Variants in MAP2K5 observed in about 807,000 individuals in gnomAD.
The protein encoded by MAP2K5 is dual specificity mitogen-activated protein kinase kinase 5.
MAP2K5 carries 49 observed loss-of-function variants against 83.1 expected under a neutral mutation model. The ratio of observed to expected loss-of-function variants is 0.59; its 90% CI spans 0.47 to 0.75. The LOEUF (loss-of-function observed/expected upper bound fraction) is 0.75, where lower values mean the gene tolerates loss of function less well. Among genes scored for constraint, MAP2K5 ranks in the 30% least tolerant of loss-of-function variants. MAP2K5 has a pLI of 0.00. For synonymous variants in MAP2K5, 202 were observed against 191.8 expected, an observed-to-expected ratio of 1.05 and a Z score of -0.44; for missense variants, 457 against 557.5, an observed-to-expected ratio of 0.82 and a Z score of 1.82.
chr15:67,585,960 G>T lies in MAP2K5; in HGVS notation c.363+30G>T, dbSNP rs764081599. The stretch of plus-strand genomic sequence containing the variant: ...GAATTTCAATAATTGTTTCAGTAAA[G>T]TTAGATGGATTTGTAATGCTGTGTT... On this transcript the variant is annotated intron_variant, in intron 5 of 21. Transcript: ENST00000178640. 3 of 1,592,806 alleles carry T rather than the reference G, an allele frequency of 1.9e-6. No individual in the cohort carries two copies. In the African/African-American group the frequency reaches 4.0e-5, roughly 21 times the overall value.
rs2090263372 is a variant in MAP2K5, at chr15:67,777,670, C to T, written c.1242+4918C>T. On this transcript the variant is annotated intron_variant, in intron 21 of 21. Coordinates refer to ENST00000178640, the MANE Select transcript of MAP2K5 (RefSeq NM_145160.3). This position sits in a 1 kb window ranked among gnomAD's most constrained non-coding sequence, Gnocchi z 6.0. Reference sequence around the variant, plus strand: ...ATCTGTTCTAGCTGTTCAGTGGCAGCGAGAATTTCAGAGAAACAAGCTGGC... The same window carrying T: ...ATCTGTTCTAGCTGTTCAGTGGCAGTGAGAATTTCAGAGAAACAAGCTGGC... 6.6e-6 allele frequency among the ~76,000 whole-genome samples: 1 copy of T among 152,168 alleles called. No individual in the cohort carries two copies. Among genetic ancestry groups the T allele is most frequent in the South Asian group, 2.1e-4 (1 of 4,830 alleles).
At chr15:67,683,636 C>T (rs1366733955) in intron 13 of MAP2K5, among the ~76,000 whole-genome samples, 1 of 151,986 alleles carries the variant, frequency 6.6e-6, no homozygotes, top group Non-Finnish European at 1.5e-5. Context: ...TTGGTGGGCG[C>T]CTGTAATCCT....
In MAP2K5 at chr15:67,646,401, A is replaced by G. The variant is rs141385762; in HGVS notation, c.668A>G (p.Tyr223Cys). 74 of 1,594,010 alleles carry G rather than the reference A, an allele frequency of 4.6e-5. No homozygotes were observed. The highest frequency in any genetic ancestry group is 5.9e-5 in the Non-Finnish European group (69 of 1,163,588). Reference sequence around the variant, plus strand: ...TTTTTGTTACAGTGCGATTCATCATATATCATTGGATTTTATGGAGCATTT... The same window carrying G: ...TTTTTGTTACAGTGCGATTCATCATGTATCATTGGATTTTATGGAGCATTT... ...LEILYKCDSS[Y>C]IIGFYGAFFV... The change falls in exon 11 of 22, where the codon TAT becomes TGT. Residue 223 changes from tyrosine (Y) to cysteine (C), a missense_variant. By Grantham distance (194) the Tyr-to-Cys change is radical. This residue lies in a region of MAP2K5 where 168 missense variants were observed against 263.0 expected (regional missense o/e 0.64). Coordinates refer to ENST00000178640, the MANE Select transcript of MAP2K5 (RefSeq NM_145160.3).
At chr15:67,711,354 CA>C (rs778377161) in intron 16 of MAP2K5, among the ~76,000 whole-genome samples, 8 of 152,074 alleles carry the variant, frequency 5.3e-5, no homozygotes, top group Admixed American at 2.6e-4. Context: ...TTCAGTTTAC[CA>C]AGGTATCAGA....
chr15:67,564,670 G>A (rs1345107554), intron 3 of MAP2K5, among the ~76,000 whole-genome samples: 1 of 152,150 alleles, frequency 6.6e-6, no homozygotes. Flanking sequence ...GGGCTCATCA[G>A]TACCTTGAAA....
chr15:67,785,377 G>T lies in MAP2K5; in HGVS notation c.1242+12625G>T, dbSNP rs1463100510. Among the ~76,000 whole-genome samples the T allele has an allele frequency of 6.6e-6, 1 of 152,124 alleles. No homozygotes were observed. Among genetic ancestry groups the T allele is most frequent in the Admixed American group, 6.5e-5 (1 of 15,272 alleles). On this transcript the variant is annotated intron_variant, in intron 21 of 21. Transcript: ENST00000178640. The surrounding 1 kb of genome is among the most constrained non-coding windows in gnomAD (Gnocchi z 4.4). ...GTTGTGAGCGAAGAAAGCTGTTTGC[G>T]GTTCACATTGCAGCATGGCTACTTG... is the stretch of plus-strand genomic sequence containing the variant.
At chr15:67,579,598 C>T (rs1458311111) in intron 3 of MAP2K5, among the ~76,000 whole-genome samples, 1 of 152,086 alleles carries the variant, frequency 6.6e-6, no homozygotes, top group East Asian at 1.9e-4. Flanking sequence ...CCAACATCCA[C>T]CTTCACTTTA....
In MAP2K5 at chr15:67,720,815, T is replaced by C. The variant is rs75819977; in HGVS notation, c.1045-7101T>C. The stretch of plus-strand genomic sequence containing the variant: ...ACAGCTAAACTTTGCTGGAGTAATA[T>C]TCCAGGATGATTTATCCTCCTGCTG... On this transcript the variant is annotated intron_variant, in intron 16 of 21. Transcript: ENST00000178640. The surrounding 1 kb of genome is among the most constrained non-coding windows in gnomAD (Gnocchi z 5.7). Among the ~76,000 whole-genome samples the C allele has an allele frequency of 2.5e-4, 38 of 152,326 alleles. No homozygotes were observed. In the East Asian group the frequency reaches 6.5e-3, roughly 26 times the overall value.
chr15:67,766,501 G>A (rs2090044226), intron 19 of MAP2K5, among the ~76,000 whole-genome samples: 2 of 152,122 alleles, frequency 1.3e-5, no homozygotes, highest in South Asian at 4.1e-4. Context: ...TTCATAGAGG[G>A]CATTTTTGGG....
intron 21 of MAP2K5, among the ~76,000 whole-genome samples, chr15:67,798,664 G>A (rs527966705): frequency 1.2e-3 from 184 of 152,302 alleles, no homozygotes; most frequent in African/African-American, 4.3e-3. Flanking sequence ...AGGTGCCTGC[G>A]TACTGTCTAG....
At chr15:67,546,963 G>A (rs952028139) in intron 1 of MAP2K5, among the ~76,000 whole-genome samples, 1 of 152,102 alleles carries the variant, frequency 6.6e-6, no homozygotes, top group Non-Finnish European at 1.5e-5. Context: ...CTATTAGGGA[G>A]GCTGAGGTGG....
rs773641336 is a variant in MAP2K5 at position 67,552,974 on chromosome 15, T to G, written c.184+2892T>G. On this transcript the variant is annotated intron_variant, in intron 2 of 21. Coordinates refer to ENST00000178640, the MANE Select transcript of MAP2K5 (RefSeq NM_145160.3). The surrounding 1 kb of genome is among the most constrained non-coding windows in gnomAD (Gnocchi z 4.2). ...AAGAAGTTTACTTTGTACTTTTTAC[T>G]TGCTTTTCGGATCCCCAAAGTGGCT... Among the ~76,000 whole-genome samples, 4 of 152,196 alleles carry G rather than the reference T, an allele frequency of 2.6e-5. No individual in the cohort carries two copies. The highest frequency in any genetic ancestry group is 9.7e-5 in the African/African-American group (4 of 41,436).
chr15:67,700,490 A>G (rs1245051304), intron 15 of MAP2K5, among the ~76,000 whole-genome samples: 1 of 152,118 alleles, frequency 6.6e-6, no homozygotes, highest in East Asian at 1.9e-4. Context: ...TATCCATCAT[A>G]GATATTCTGT....
chr15:67,745,720 T>C (rs2089591593), intron 17 of MAP2K5, among the ~76,000 whole-genome samples: 1 of 152,250 alleles, frequency 6.6e-6, no homozygotes, highest in African/African-American at 2.4e-5. Flanking sequence ...CTCTATGGTC[T>C]ATGTGGCATT....
chr15:67,761,316 C>T (rs186318913), intron 19 of MAP2K5, among the ~76,000 whole-genome samples: 2 of 152,282 alleles, frequency 1.3e-5, no homozygotes, highest in East Asian at 3.9e-4. Context: ...TGTAGTGTCT[C>T]CTTAAACCAG....
intron 13 of MAP2K5, among the ~76,000 whole-genome samples, chr15:67,673,779 C>T (rs1328090521): frequency 2.6e-5 from 4 of 152,110 alleles, no homozygotes; most frequent in Non-Finnish European, 4.4e-5. Flanking sequence ...TTGTGATTAA[C>T]TATATACATT....
At chr15:67,703,058 T>A (rs932554708) in intron 15 of MAP2K5, among the ~76,000 whole-genome samples, 1 of 152,216 alleles carries the variant, frequency 6.6e-6, no homozygotes, top group South Asian at 2.1e-4. Context: ...ACCTCACTAC[T>A]CTGAGCCTCC....
At chr15:67,678,300 T>A (rs899082528) in intron 13 of MAP2K5, among the ~76,000 whole-genome samples, 2 of 152,218 alleles carry the variant, frequency 1.3e-5, no homozygotes, top group African/African-American at 4.8e-5. Context: ...GCCCTCTGGC[T>A]CCTGGTAAAC....
At chr15:67,718,609 C>A (rs2088882448) in intron 16 of MAP2K5, among the ~76,000 whole-genome samples, 1 of 151,988 alleles carries the variant, frequency 6.6e-6, no homozygotes, top group Non-Finnish European at 1.5e-5. Context: ...ACTAAAAATA[C>A]AAAAATTAGC....
Sources: gnomAD v4.1 joint callset for allele counts (sites outside exome capture counted in the v4.1 genomes callset) on GRCh38, gnomAD v4.1.1 for gene constraint, gnomAD v4.1.1 regional missense constraint, Gnocchi (gnomAD v3.1) non-coding constraint, MANE v1.5 for transcripts, NCBI Gene and HGNC (gene_info 2026-07-23, HGNC 2026-07-21) for gene names.